The following C4orf36 variants were observed in gnomAD, a reference collection of about 807,000 sequenced individuals.
The protein encoded by C4orf36 is uncharacterized protein C4orf36.
C4orf36 carries 11 observed loss-of-function variants against 12.2 expected under a neutral mutation model. The observed-to-expected ratio is 0.90, with a 90% CI of 0.57 to 1.49. The LOEUF is 1.49. C4orf36 is among the 40% of genes most tolerant of loss of function. C4orf36 has a pLI of 0.00. For synonymous variants in C4orf36, 54 were observed against 51.3 expected (o/e 1.05, Z -0.22); for missense variants, 137 against 133.9 (o/e 1.02, Z -0.11).
the C4orf36 span, among the ~76,000 whole-genome samples, chr4:86,927,426 A>G: frequency 6.6e-6 from 1 of 152,236 alleles, no homozygotes; most frequent in Admixed American, 6.5e-5. Flanking sequence ...GTAAATACGT[A>G]CAAGTGAAAA....
At chr4:86,894,051 C>T (rs1037712131), upstream of C4orf36, among the ~76,000 whole-genome samples, 3 of 151,972 alleles carry the variant, frequency 2.0e-5, no homozygotes, top group Non-Finnish European at 2.9e-5. Flanking sequence ...CGCCCGCCAC[C>T]ACGCCCAGCT....
Position 86,891,587 on chromosome 4 carries a change from A to T in C4orf36, c.-67T>A. On this transcript the variant is annotated 5_prime_UTR_variant, in exon 2 of 5. Transcript: ENST00000295898. ...TGGAATGTCACAGATAACTCTGTTC[A>T]CTTTACCTGAAATGATGGCAACGCA... The T allele has an allele frequency of 6.2e-7, 1 of 1,607,992 alleles. No individual in the cohort carries two copies. Among genetic ancestry groups the T allele is most frequent in the Non-Finnish European group, 8.5e-7 (1 of 1,176,430 alleles).
chr4:86,899,443 T>C, the C4orf36 span, among the ~76,000 whole-genome samples: 12 of 152,220 alleles, frequency 7.9e-5, no homozygotes, highest in African/African-American at 2.7e-4. Flanking sequence ...AGCTTACGTC[T>C]ATCCCAATGT....
upstream of C4orf36, among the ~76,000 whole-genome samples, chr4:86,892,920 C>T (rs1157652852): frequency 6.6e-6 from 1 of 152,200 alleles, no homozygotes; most frequent in Non-Finnish European, 1.5e-5. Context: ...AACGAGCTTA[C>T]ATTTCCATTT....
chr4:86,891,469 T>C lies in C4orf36; in HGVS notation c.52A>G (p.Ser18Gly). The C allele has an allele frequency of 6.2e-7, 1 of 1,613,876 alleles. No homozygotes were observed. Among genetic ancestry groups the C allele is most frequent in the Non-Finnish European group, 8.5e-7 (1 of 1,179,944 alleles). The change falls in exon 2 of 5, where the codon AGT becomes GGT. Residue 18 changes from serine to glycine, a missense_variant. Transcript: ENST00000295898. Reference sequence around the variant, plus strand: ...AATAGTACTTACACATTATAACAACTGCCCCGCAAAATGGTTTTCACTGTG... The same window carrying C: ...AATAGTACTTACACATTATAACAACCGCCCCGCAAAATGGTTTTCACTGTG... The part of the protein sequence containing the change: ...KNTVKTILRG[S>G]CYNVQEPWDI...
At chr4:86,924,772 T>C in the C4orf36 span, 1 of 152,260 alleles carries the variant, frequency 6.6e-6, no homozygotes. Flanking sequence ...ATTTGAATGA[T>C]AATTTAAGTG....
the C4orf36 span, chr4:86,924,979 C>T: frequency 0.41 from 62,240 of 152,016 alleles, 15,371 homozygotes; most frequent in South Asian, 0.58. Context: ...GGAGCAGGCA[C>T]GTCACATACC....
chr4:86,914,033 G>T, the C4orf36 span: 8 of 1,609,304 alleles, frequency 5.0e-6, no homozygotes, highest in Admixed American at 1.3e-4. Context: ...GCAAAACGTC[G>T]TTGGGATGGC....
upstream of C4orf36, among the ~76,000 whole-genome samples, chr4:86,895,729 C>T (rs1747574897): frequency 6.6e-6 from 1 of 152,092 alleles, no homozygotes; most frequent in Non-Finnish European, 1.5e-5. Flanking sequence ...CTTCCCCTCT[C>T]TCTCCCTCTT....
the C4orf36 span, among the ~76,000 whole-genome samples, chr4:86,921,578 A>T: frequency 5.3e-5 from 8 of 152,332 alleles, no homozygotes; most frequent in East Asian, 1.5e-3. Flanking sequence ...ACTTTAGCTA[A>T]CAGAATATTT....
the C4orf36 span, among the ~76,000 whole-genome samples, chr4:86,902,859 C>G: frequency 6.6e-6 from 1 of 152,096 alleles, no homozygotes; most frequent in African/African-American, 2.4e-5. Flanking sequence ...GCTCCGTAAT[C>G]ATATGGAATC....
upstream of C4orf36, among the ~76,000 whole-genome samples, chr4:86,893,864 TTTTATTTATTTATTTATTTATTTA>T (rs147837409): frequency 5.1e-5 from 7 of 138,358 alleles, no homozygotes; most frequent in South Asian, 4.9e-4. Flanking sequence ...TGGCCTGAAT[TTTTATTTATTTATTTATTTATTTA>T]TTTATTTATT....
chr4:86,932,763 T>C, the C4orf36 span, among the ~76,000 whole-genome samples: 2 of 43,164 alleles, frequency 4.6e-5, no homozygotes, highest in African/African-American at 1.9e-4. Flanking sequence ...GGGAGATTTA[T>C]TTGGGGGGGT....
chr4:86,876,782 A>G, intron 4 of C4orf36: 1 of 1,376,534 alleles, frequency 7.3e-7, no homozygotes, highest in Non-Finnish European at 9.6e-7. Context: ...TTGCAATTTT[A>G]AAATAAAAAA....
At chr4:86,888,474 A>C (rs1747268117) in intron 2 of C4orf36, among the ~76,000 whole-genome samples, 199 bp from the exon 3 acceptor site, 1 of 152,234 alleles carries the variant, frequency 6.6e-6, no homozygotes, top group Non-Finnish European at 1.5e-5. Context: ...TAGAGATAAT[A>C]CTGAACAATG....
At chr4:86,927,308 C>T in the C4orf36 span, among the ~76,000 whole-genome samples, 1 of 152,182 alleles carries the variant, frequency 6.6e-6, no homozygotes, top group African/African-American at 2.4e-5. Flanking sequence ...TGCTTGAACC[C>T]AGCATGGGCC....
intron 1 of C4orf36, 88 bp downstream of exon 1, chr4:86,892,095 G>A: frequency 2.0e-6 from 2 of 985,590 alleles, no homozygotes; most frequent in African/African-American, 1.7e-5. Context: ...GGCCCGGGAG[G>A]AACTGGTTCC....
At chr4:86,913,234 T>C in the C4orf36 span, 1 of 537,722 alleles carries the variant, frequency 1.9e-6, no homozygotes, top group Non-Finnish European at 3.5e-6. Flanking sequence ...TTGTGCTGGA[T>C]GGCGGAAGCT....
chr4:86,888,784 T>C (rs917799681), intron 2 of C4orf36, among the ~76,000 whole-genome samples: 19 of 152,190 alleles, frequency 1.2e-4, no homozygotes, highest in African/African-American at 2.2e-4. Context: ...TTTGAAAATA[T>C]CAGCTACATG....
Sources: allele counts gnomAD v4.1 joint callset (sites outside exome capture counted in the v4.1 genomes callset), GRCh38; gene constraint gnomAD v4.1.1; transcripts MANE v1.5; gene names NCBI Gene and HGNC (gene_info 2026-07-23, HGNC 2026-07-21).